The following RUSC2 variants were observed in gnomAD, a reference collection of about 807,000 sequenced individuals.
The protein encoded by RUSC2 is AP-4 complex accessory subunit RUSC2.
In RUSC2, 34 loss-of-function variants were observed where a neutral mutation model predicts 122.2. That is an observed-to-expected ratio of 0.28 (90% CI 0.21 to 0.37). RUSC2 has a LOEUF of 0.37. RUSC2 is among the 10% of genes least tolerant of loss of function. The pLI is 1.00. For synonymous variants in RUSC2, 784 were observed against 790.0 expected (o/e 0.99, Z 0.13); for missense variants, 1,747 against 1,952.4 (o/e 0.89, Z 1.98).
In RUSC2 at chr9:35,561,331, C is replaced by G. The variant is rs199511970; in HGVS notation, c.4500C>G (p.Tyr1500Ter). 3.1e-6 allele frequency: 5 copies of G among 1,613,976 alleles called. No homozygotes were observed. Among genetic ancestry groups the G allele is most frequent in the African/African-American group, 1.3e-5 (1 of 74,914 alleles). ...GPDSGLVPLA[Y>*]VTLTPTPSPT... ...ACTCTGGCCTGGTGCCCCTGGCCTA[C>G]GTGACATTGACCCCAACTCCAAGTC... is the stretch of plus-strand genomic sequence containing the variant. The change falls in exon 12 of 12, where the codon TAC (tyrosine) becomes TAG (stop). Residue 1500 changes from tyrosine (Y) to a stop codon, truncating the protein, a stop_gained. Transcript: ENST00000361226. LOFTEE classifies it high-confidence loss of function.
intron 1 of RUSC2, among the ~76,000 whole-genome samples, chr9:35,535,875 A>G (rs1421798562): frequency 6.6e-6 from 1 of 152,124 alleles, no homozygotes; most frequent in African/African-American, 2.4e-5. Context: ...GTTCAACAAG[A>G]CTTCCATATG....
chr9:35,496,040 C>T (rs533692841), intron 1 of RUSC2, among the ~76,000 whole-genome samples: 1 of 152,198 alleles, frequency 6.6e-6, no homozygotes, highest in Non-Finnish European at 1.5e-5. Context: ...TACACCAAAG[C>T]AAAAGAAGCA....
chr9:35,560,490 G>T lies in RUSC2; in HGVS notation c.3850G>T (p.Gly1284Cys). 1 of 1,614,214 alleles carries T rather than the reference G, an allele frequency of 6.2e-7. No individual in the cohort carries two copies. Among genetic ancestry groups the T allele is most frequent in the Non-Finnish European group, 8.5e-7 (1 of 1,180,016 alleles). ...GCAGAGCTCCCAGGTCTACATCGAT[G>T]GCTCCATTGAGGGTTCCAGGTTCCC... ...LMQSSQVYID[G>C]SIEGSRFPRG... The change falls in exon 10 of 12, where the codon GGC (glycine) becomes TGC (cysteine). Residue 1284 changes from glycine to cysteine, a missense_variant. Gly to Cys is a radical substitution (Grantham distance 159). Coordinates refer to ENST00000361226, the MANE Select transcript of RUSC2 (RefSeq NM_014806.5).
chr9:35,560,915 C>T, intron 10 of RUSC2, 45 bp from the exon 11 acceptor site: 1 of 1,601,278 alleles, frequency 6.2e-7, no homozygotes. Context: ...AGGGCACGGG[C>T]AGAGCCCATC....
chr9:35,549,336 C>G, intron 2 of RUSC2: 2 of 658,494 alleles, frequency 3.0e-6, no homozygotes, highest in Non-Finnish European at 3.8e-6. Flanking sequence ...GCTCTTTCGC[C>G]CAGGCTGGAG....
At chr9:35,492,983 T>G (rs1237579177) in intron 1 of RUSC2, among the ~76,000 whole-genome samples, 2 of 152,014 alleles carry the variant, frequency 1.3e-5, no homozygotes, top group East Asian at 1.9e-4. Context: ...TTTTGTTTTT[T>G]GGGTTTTTTT....
intron 1 of RUSC2, among the ~76,000 whole-genome samples, chr9:35,502,966 T>C (rs1016438145): frequency 6.6e-6 from 1 of 152,166 alleles, no homozygotes; most frequent in African/African-American, 2.4e-5. Flanking sequence ...GTTCAAGCGA[T>C]TCTCCTGCCT....
intron 2 of RUSC2, among the ~76,000 whole-genome samples, chr9:35,550,556 A>G (rs902595199): frequency 4.6e-5 from 7 of 151,104 alleles, no homozygotes; most frequent in Non-Finnish European, 8.9e-5. Flanking sequence ...AACCCAGGAG[A>G]CAGAGGTTGC....
In RUSC2 at chr9:35,545,979, A is replaced by T. The variant is rs77148053; in HGVS notation, c.-92-451A>T. On this transcript the variant is annotated intron_variant, in intron 1 of 11. Transcript: ENST00000361226. The stretch of plus-strand genomic sequence containing the variant: ...TTATTGCTATGAGTTCATATTATTC[A>T]TGATTTTCCCTCTTGGCTGTAAACT... 5.0e-4 allele frequency among the ~76,000 whole-genome samples: 76 copies of T among 152,276 alleles called. No individual in the cohort carries two copies. The East Asian group carries it at 0.014, about 29-fold the overall frequency.
chr9:35,519,215 G>A (rs1043902159), intron 1 of RUSC2, among the ~76,000 whole-genome samples: 3 of 152,258 alleles, frequency 2.0e-5, no homozygotes, highest in Non-Finnish European at 4.4e-5. Context: ...GATTTGGGCA[G>A]TAACCAGTAG....
At position 35,548,722 on chromosome 9, in the gene RUSC2, C is replaced by G. The variant is rs1188801677; in HGVS notation, c.2014+187C>G. 1 of 985,338 alleles carries G rather than the reference C, an allele frequency of 1.0e-6. No individual in the cohort carries two copies. Among genetic ancestry groups the G allele is most frequent in the Non-Finnish European group, 1.2e-6 (1 of 829,908 alleles). 61.0% of individuals were successfully genotyped at this position (985,338 alleles called of 1,614,324 possible). ...GTGGAATAGGCTCACTGGAGAAAGA[C>G]AGAGGACTCAAAAATACACTGAGCA... On this transcript the variant is annotated intron_variant, in intron 2 of 11. Coordinates refer to ENST00000361226, the MANE Select transcript of RUSC2 (RefSeq NM_014806.5). The surrounding 1 kb of genome is among the most constrained non-coding windows in gnomAD (Gnocchi z 4.5).
rs141982905 is a variant in RUSC2 at position 35,520,443 on chromosome 9, A to G, written c.-92-25987A>G. 1.7e-3 allele frequency among the ~76,000 whole-genome samples: 260 copies of G among 152,156 alleles called. 1 individual carries two copies. The highest frequency in any genetic ancestry group is 5.7e-3 in the African/African-American group (238 of 41,512). On this transcript the variant is annotated intron_variant, in intron 1 of 11. Transcript: ENST00000361226. ...CAACCTCCTCCACCCTGGCCCCACA[A>G]CTGGCTTCTGTAATTCAATCTAGAT... is the stretch of plus-strand genomic sequence containing the variant.
chr9:35,494,344 T>C (rs1483068715), intron 1 of RUSC2, among the ~76,000 whole-genome samples: 1 of 152,048 alleles, frequency 6.6e-6, no homozygotes, highest in Non-Finnish European at 1.5e-5. Flanking sequence ...CGCACACCTA[T>C]AATCCCTGAG....
In RUSC2 at chr9:35,552,635, T is replaced by C. The variant is rs562919699; in HGVS notation, c.2015-2425T>C. Among the ~76,000 whole-genome samples, 4 of 152,274 alleles carry C rather than the reference T, an allele frequency of 2.6e-5. No homozygotes were observed. The South Asian group carries it at 8.3e-4, about 32-fold the overall frequency. ...ATAGACTCCAGAAAGAAAGAGTGGA[T>C]AGTCTCTCACTCCTCCGAACCAGTG... On this transcript the variant is annotated intron_variant, in intron 2 of 11. Transcript: ENST00000361226.
intron 1 of RUSC2, among the ~76,000 whole-genome samples, chr9:35,507,061 G>C (rs943824294): frequency 6.6e-6 from 1 of 152,138 alleles, no homozygotes; most frequent in Non-Finnish European, 1.5e-5. Context: ...AGGCTGCAGT[G>C]AGCTGTGATT....
chr9:35,555,828 A>G lies in RUSC2; in HGVS notation c.2657-124A>G. The G allele has an allele frequency of 6.9e-7, 1 of 1,454,408 alleles. No homozygotes were observed. The highest frequency in any genetic ancestry group is 9.3e-7 in the Non-Finnish European group (1 of 1,076,734). The allele number at this position is 1,454,408 out of a possible 1,614,324, so 90.1% of individuals were successfully genotyped here. On this transcript the variant is annotated intron_variant, in intron 3 of 11. Coordinates refer to ENST00000361226, the MANE Select transcript of RUSC2 (RefSeq NM_014806.5). The surrounding 1 kb of genome is among the most constrained non-coding windows in gnomAD (Gnocchi z 4.6). ...GTTAGGATGTCTGCATCCCTCCCTC[A>G]GCATCTGTAGATAATATCCACAGAT...
At chr9:35,550,063 T>G (rs1477656751) in intron 2 of RUSC2, among the ~76,000 whole-genome samples, 3 of 151,606 alleles carry the variant, frequency 2.0e-5, no homozygotes, top group Non-Finnish European at 4.4e-5. Context: ...AATACAAAAA[T>G]TAGCTAGGCA....
chr9:35,552,387 A>G (rs1821918534), intron 2 of RUSC2, among the ~76,000 whole-genome samples: 1 of 152,206 alleles, frequency 6.6e-6, no homozygotes, highest in Non-Finnish European at 1.5e-5. Context: ...AAAAATAAAA[A>G]TAAAAAAGGC....
intron 2 of RUSC2, among the ~76,000 whole-genome samples, chr9:35,551,063 C>T (rs1029664953): frequency 6.8e-6 from 1 of 148,028 alleles, no homozygotes; most frequent in Non-Finnish European, 1.5e-5. Flanking sequence ...AGTGAGAGTC[C>T]GTCTCAAAAA....
Sources: allele counts gnomAD v4.1 joint callset (sites outside exome capture counted in the v4.1 genomes callset), GRCh38; gene constraint gnomAD v4.1.1; non-coding constraint Gnocchi (gnomAD v3.1); transcripts MANE v1.5; gene names NCBI Gene and HGNC (gene_info 2026-07-23, HGNC 2026-07-21).